FRMD8: variants seen among roughly 807,000 people sequenced by gnomAD.
FRMD8 encodes FERM domain-containing protein 8.
In FRMD8, 37 loss-of-function variants were observed where a neutral mutation model predicts 54.2. The observed-to-expected ratio is 0.68, with a 90% CI of 0.53 to 0.90. The LOEUF is 0.90. Among genes scored for constraint, FRMD8 ranks in the 40% least tolerant of loss-of-function variants. The pLI is 0.00. For synonymous variants in FRMD8, 246 were observed against 286.9 expected (o/e 0.86, Z 1.44); for missense variants, 585 against 653.7 (o/e 0.89, Z 1.15).
At chr11:65,389,590 G>C in intron 3 of FRMD8, 62 bp downstream of exon 3, 1 of 1,476,824 alleles carries the variant, frequency 6.8e-7, no homozygotes, top group Non-Finnish European at 9.1e-7. Context: ...CAGTACAGGA[G>C]GGAGGGGGCA....
chr11:65,402,412 G>C (rs902472133), intron 9 of FRMD8, among the ~76,000 whole-genome samples: 17 of 151,504 alleles, frequency 1.1e-4, no homozygotes, highest in African/African-American at 4.1e-4. Flanking sequence ...AAATCAATTG[G>C]CTGTACATGT....
intron 10 of FRMD8, among the ~76,000 whole-genome samples, chr11:65,409,372 C>T (rs566794189): frequency 1.3e-5 from 2 of 152,060 alleles, no homozygotes; most frequent in African/African-American, 4.8e-5. Context: ...CAGGAATAAG[C>T]CACCGTGCCC....
chr11:65,368,251 T>C, the FRMD8 span, among the ~76,000 whole-genome samples: 1 of 151,836 alleles, frequency 6.6e-6, no homozygotes, highest in Non-Finnish European at 1.5e-5. Context: ...AATTTTTATA[T>C]TTTTAGTAGA....
At chr11:65,381,560 C>CTTTTTTTT in the FRMD8 span, 33 of 84,688 alleles carry the variant, frequency 3.9e-4, no homozygotes, top group Admixed American at 4.8e-4. Context: ...TGCCCTGATT[C>CTTTTTTTT]TTTTTTTTTT....
intron 9 of FRMD8, among the ~76,000 whole-genome samples, chr11:65,403,455 T>C (rs1856124816): frequency 6.6e-6 from 1 of 152,246 alleles, no homozygotes; most frequent in Non-Finnish European, 1.5e-5. Flanking sequence ...AGTGTTGGGA[T>C]TACAGGCGTG....
Position 65,396,614 on chromosome 11 carries a change from G to C in FRMD8, c.582-185G>C, listed in dbSNP as rs74371929. Among the ~76,000 whole-genome samples, 456 of 152,270 alleles carry C rather than the reference G, an allele frequency of 3.0e-3. 1 individual carries two copies. The highest frequency in any genetic ancestry group is 0.01 in the Middle Eastern group (3 of 294). ...TGGCCCTGGAGTCTGCCCTTCGGAG[G>C]GGGGCCGAGAACTGAACCCCCTCTG... On this transcript the variant is annotated intron_variant, in intron 6 of 10. Transcript: ENST00000317568.
chr11:65,406,628 C>G (rs943593344), intron 10 of FRMD8, among the ~76,000 whole-genome samples: 1 of 151,640 alleles, frequency 6.6e-6, no homozygotes, highest in South Asian at 2.1e-4. Flanking sequence ...ACACCAAGCC[C>G]GAGACCCTGT....
At chr11:65,372,182 G>C in the FRMD8 span, among the ~76,000 whole-genome samples, 1 of 152,192 alleles carries the variant, frequency 6.6e-6, no homozygotes, top group Non-Finnish European at 1.5e-5. Flanking sequence ...AAAGTGCTAG[G>C]ATTACAGATG....
At chr11:65,389,809 C>T (rs1030900013) in intron 3 of FRMD8, among the ~76,000 whole-genome samples, 1 of 152,014 alleles carries the variant, frequency 6.6e-6, no homozygotes, top group African/African-American at 2.4e-5. Context: ...AGGAACAGTA[C>T]CGCAGGAGGG....
the FRMD8 span, chr11:65,380,110 C>T: frequency 5.6e-3 from 8,971 of 1,610,596 alleles, 494 homozygotes; most frequent in African/African-American, 0.11. Flanking sequence ...TTTCATTCCT[C>T]TGGCAGCTCT....
At chr11:65,370,219 A>G in the FRMD8 span, among the ~76,000 whole-genome samples, 1 of 149,994 alleles carries the variant, frequency 6.7e-6, no homozygotes, top group Admixed American at 6.6e-5. Flanking sequence ...AGACTGTCTC[A>G]AAAAACAAAA....
intron 10 of FRMD8, among the ~76,000 whole-genome samples, chr11:65,410,101 C>T (rs1046147840): frequency 8.6e-5 from 13 of 152,006 alleles, no homozygotes; most frequent in African/African-American, 2.7e-4. Flanking sequence ...CATGGTGGCT[C>T]ACACCTGTAA....
rs533425758 is a variant in FRMD8 at position 65,404,007 on chromosome 11, G to A, written c.1072-857G>A. Among the ~76,000 whole-genome samples, 3 of 152,240 alleles carry A rather than the reference G, an allele frequency of 2.0e-5. No individual in the cohort carries two copies. In the East Asian group the frequency reaches 5.8e-4, roughly 29 times the overall value. On this transcript the variant is annotated intron_variant, in intron 9 of 10. Coordinates refer to ENST00000317568, the MANE Select transcript of FRMD8 (RefSeq NM_031904.5). This position sits in a 1 kb window ranked among gnomAD's most constrained non-coding sequence, Gnocchi z 4.7. ...GTGGACTGAGCTGAGGGCAGGGAGCGTGGAGAGCCCACCAGGCCTCTGCTC... is the reference window on the plus strand; with the variant it reads ...GTGGACTGAGCTGAGGGCAGGGAGCATGGAGAGCCCACCAGGCCTCTGCTC...
the FRMD8 span, chr11:65,380,132 C>A: frequency 3.1e-6 from 5 of 1,614,102 alleles, no homozygotes; most frequent in African/African-American, 4.0e-5. Context: ...CTAAACTCAC[C>A]TTTACAGTGT....
At chr11:65,395,613 C>T (rs941812059) in intron 6 of FRMD8, among the ~76,000 whole-genome samples, 1 of 152,222 alleles carries the variant, frequency 6.6e-6, no homozygotes, top group East Asian at 1.9e-4. Flanking sequence ...ACAGAGTACC[C>T]GCTGCCTGAG....
the FRMD8 span, chr11:65,377,198 C>G: frequency 6.9e-7 from 1 of 1,450,836 alleles, no homozygotes; most frequent in Non-Finnish European, 9.1e-7. Context: ...GGAACCCTGC[C>G]GGCACCCAGC....
rs546091612 is a variant in FRMD8, at chr11:65,395,114, G to T, written c.581+689G>T. Among the ~76,000 whole-genome samples the T allele has an allele frequency of 1.4e-3, 210 of 152,252 alleles. 1 individual carries two copies. The highest frequency in any genetic ancestry group is 5.0e-3 in the African/African-American group (207 of 41,546). ...ACACAATAAGTAGCCAGGTGTGGTG[G>T]CACACACCTGTAATCCCAGCCGTTT... is the stretch of plus-strand genomic sequence containing the variant. On this transcript the variant is annotated intron_variant, in intron 6 of 10. Transcript: ENST00000317568.
intron 5 of FRMD8, 21 bp downstream of exon 5, chr11:65,394,120 G>A: frequency 1.2e-6 from 2 of 1,612,636 alleles, no homozygotes; most frequent in Middle Eastern, 1.7e-4. Flanking sequence ...AGCCCTGGTG[G>A]CCCCACCAGG....
the FRMD8 span, among the ~76,000 whole-genome samples, chr11:65,368,632 C>T: frequency 2.6e-5 from 4 of 152,066 alleles, 1 homozygote; most frequent in South Asian, 6.2e-4. Flanking sequence ...GGCGCAATCT[C>T]GGCTCACTGC....
Sources: gnomAD v4.1 joint callset for allele counts (sites outside exome capture counted in the v4.1 genomes callset) on GRCh38, gnomAD v4.1.1 for gene constraint, Gnocchi (gnomAD v3.1) non-coding constraint, MANE v1.5 for transcripts, NCBI Gene and HGNC (gene_info 2026-07-23, HGNC 2026-07-21) for gene names.